Variants in ST3GAL3 observed in about 807,000 individuals in gnomAD.
ST3GAL3 encodes the protein ST3 beta-galactoside alpha-2,3-sialyltransferase 3.
ST3GAL3 carries 21 observed loss-of-function variants against 50.1 expected under a neutral mutation model. The ratio of observed to expected loss-of-function variants is 0.42; its 90% CI spans 0.30 to 0.60. The LOEUF (loss-of-function observed/expected upper bound fraction) is 0.60, where lower values mean the gene tolerates loss of function less well. ST3GAL3 is among the 20% of genes least tolerant of loss of function. The pLI, the probability that ST3GAL3 is intolerant of heterozygous loss-of-function variation, is 0.19. For synonymous variants in ST3GAL3, 183 were observed against 190.0 expected (o/e 0.96, Z 0.30); for missense variants, 353 against 489.4 (o/e 0.72, Z 2.63).
At position 43,790,778 on chromosome 1, in the gene ST3GAL3, C is replaced by A. The variant is rs181803725; in HGVS notation, c.119-1324C>A. 4.7e-3 allele frequency among the ~76,000 whole-genome samples: 715 copies of A among 151,810 alleles called. 8 individuals carry two copies. The highest frequency in any genetic ancestry group is 0.016 in the African/African-American group (675 of 41,374). The stretch of plus-strand genomic sequence containing the variant: ...TCCCAAGTAGCCAGGACTACAGGCA[C>A]GCGTACCACGCCCAGCTAATTTTTT... On this transcript the variant is annotated intron_variant, in intron 2 of 11. Transcript: ENST00000347631.
chr1:43,723,807 TC>T (rs1277851317), intron 1 of ST3GAL3, among the ~76,000 whole-genome samples: 4 of 151,988 alleles, frequency 2.6e-5, no homozygotes, highest in Non-Finnish European at 5.9e-5. Context: ...AGATGAGGTT[TC>T]ACCATATTGG....
At chr1:43,863,542 A>C (rs2070547083) in intron 5 of ST3GAL3, among the ~76,000 whole-genome samples, 1 of 152,234 alleles carries the variant, frequency 6.6e-6, no homozygotes, top group Non-Finnish European at 1.5e-5. Context: ...ATTTCTTCGC[A>C]CAAGTCACGA....
chr1:43,870,771 A>G (rs997525833), intron 5 of ST3GAL3, among the ~76,000 whole-genome samples: 3 of 152,082 alleles, frequency 2.0e-5, no homozygotes, highest in South Asian at 2.1e-4. Flanking sequence ...AGACATGGCC[A>G]TGGAGTGAAG....
intron 1 of ST3GAL3, among the ~76,000 whole-genome samples, chr1:43,717,834 C>T (rs937246900): frequency 1.3e-5 from 2 of 151,520 alleles, no homozygotes; most frequent in Non-Finnish European, 2.9e-5. Flanking sequence ...GTATTTTACA[C>T]ATACAAGAAC....
At chr1:43,911,305 G>A (rs996729040) in intron 9 of ST3GAL3, 2 of 151,166 alleles carry the variant, frequency 1.3e-5, no homozygotes, top group African/African-American at 4.9e-5. Context: ...CACCACACCT[G>A]ACTAATATTT....
chr1:43,888,451 G>A (rs1464165205), intron 5 of ST3GAL3, among the ~76,000 whole-genome samples: 2 of 151,100 alleles, frequency 1.3e-5, no homozygotes, highest in Non-Finnish European at 2.9e-5. Context: ...AAAAATGAGG[G>A]GGGAAATAAA....
chr1:43,853,225 T>G (rs2154215963), intron 5 of ST3GAL3, among the ~76,000 whole-genome samples: 1 of 152,312 alleles, frequency 6.6e-6, no homozygotes, highest in East Asian at 1.9e-4. Flanking sequence ...CCAAACAGTT[T>G]CAGCAGAAAG....
chr1:43,871,999 T>C (rs2073009422), intron 5 of ST3GAL3, among the ~76,000 whole-genome samples: 1 of 7,546 alleles, frequency 1.3e-4, no homozygotes, highest in Non-Finnish European at 2.7e-4. Context: ...GGGTGGGGTC[T>C]GAGTGAGAGG....
intron 11 of ST3GAL3, among the ~76,000 whole-genome samples, chr1:43,923,525 A>G (rs1362941408): frequency 1.3e-5 from 2 of 152,160 alleles, no homozygotes; most frequent in African/African-American, 2.4e-5. Context: ...AAGATTCAGT[A>G]TCTGGTCAGG....
intron 2 of ST3GAL3, among the ~76,000 whole-genome samples, chr1:43,785,140 T>A (rs529475090): frequency 6.6e-6 from 1 of 152,252 alleles, no homozygotes; most frequent in East Asian, 1.9e-4. Context: ...CTCCAGGATC[T>A]AAACAGTTGA....
chr1:43,871,451 G>A (rs565847261), intron 5 of ST3GAL3, among the ~76,000 whole-genome samples: 134 of 150,256 alleles, frequency 8.9e-4, no homozygotes, highest in Non-Finnish European at 1.6e-3. Flanking sequence ...AAGATGGCAT[G>A]TGAAGAAGAG....
At chr1:43,775,515 G>C (rs537770094) in intron 2 of ST3GAL3, among the ~76,000 whole-genome samples, 1 of 152,242 alleles carries the variant, frequency 6.6e-6, no homozygotes, top group Admixed American at 6.5e-5. Flanking sequence ...TTACAGGTGT[G>C]AGCCACCGCA....
At chr1:43,709,567 G>A (rs2154054080) in intron 1 of ST3GAL3, 1 of 151,874 alleles carries the variant, frequency 6.6e-6, no homozygotes, top group African/African-American at 2.4e-5. Flanking sequence ...TTTTTGTAGA[G>A]ACAGGGTCTT....
intron 9 of ST3GAL3, chr1:43,911,770 C>G (rs922977991): frequency 5.3e-5 from 8 of 151,438 alleles, no homozygotes; most frequent in Admixed American, 5.3e-4. Flanking sequence ...TCACTGCAGC[C>G]TCTGCCTTCT....
chr1:43,736,875 C>CGGCGACCACCGAGA, intron 2 of ST3GAL3: 5 of 242,530 alleles, frequency 2.1e-5, no homozygotes, highest in South Asian at 9.8e-5. Context: ...TGCTATTGAA[C>CGGCGACCACCGAGA]TTGCACCTGG....
chr1:43,876,816 G>C (rs1468491342), intron 5 of ST3GAL3, among the ~76,000 whole-genome samples: 2 of 152,206 alleles, frequency 1.3e-5, no homozygotes, highest in African/African-American at 2.4e-5. Context: ...TATCCAGTGG[G>C]CAGGGCCCAT....
intron 2 of ST3GAL3, among the ~76,000 whole-genome samples, chr1:43,747,339 G>A (rs576903366): frequency 6.6e-6 from 1 of 151,988 alleles, no homozygotes; most frequent in Non-Finnish European, 1.5e-5. Flanking sequence ...TTGAACCCAG[G>A]AGGCGGATAT....
chr1:43,760,173 T>C (rs1436923097), intron 2 of ST3GAL3, among the ~76,000 whole-genome samples: 1 of 152,210 alleles, frequency 6.6e-6, no homozygotes, highest in Non-Finnish European at 1.5e-5. Flanking sequence ...CAAAGATGAA[T>C]GAAGTAAGCC....
At chr1:43,808,773 G>A (rs1220684938) in intron 3 of ST3GAL3, among the ~76,000 whole-genome samples, 1 of 152,180 alleles carries the variant, frequency 6.6e-6, no homozygotes, top group Admixed American at 6.5e-5. Context: ...GTCAGCTGAT[G>A]AGTACATGTG....
Sources: gnomAD v4.1 joint callset for allele counts (sites outside exome capture counted in the v4.1 genomes callset) on GRCh38, gnomAD v4.1.1 for gene constraint, MANE v1.5 for transcripts, NCBI Gene and HGNC (gene_info 2026-07-23, HGNC 2026-07-21) for gene names.